The following CNTN4 variants were observed in gnomAD, a reference collection of about 807,000 sequenced individuals.
CNTN4 encodes contactin-4.
In CNTN4, 77 loss-of-function variants were observed where a neutral mutation model predicts 122.5. The observed-to-expected ratio is 0.63, with a 90% CI of 0.52 to 0.76. CNTN4 has a LOEUF of 0.76. Among genes scored for constraint, CNTN4 ranks in the 30% least tolerant of loss-of-function variants. CNTN4 has a pLI of 0.00. For synonymous variants in CNTN4, 512 were observed against 447.0 expected, an observed-to-expected ratio of 1.15 and a Z score of -1.83; for missense variants, 1,256 against 1,259.1, an observed-to-expected ratio of 1.00 and a Z score of 0.04.
chr3:3,023,064 T>C (rs551316510), intron 14 of CNTN4, among the ~76,000 whole-genome samples: 86 of 152,300 alleles, frequency 5.6e-4, no homozygotes, highest in African/African-American at 2.0e-3. Flanking sequence ...CAGGAAGCCA[T>C]CTGTTTGTTT....
At chr3:2,266,612 G>C (rs1167243009) in intron 2 of CNTN4, among the ~76,000 whole-genome samples, 1 of 152,028 alleles carries the variant, frequency 6.6e-6, no homozygotes, top group South Asian at 2.1e-4. Context: ...GGAGCCTTAA[G>C]GGACTAGGAT....
At chr3:2,329,792 ATAAGCAT>A (rs925397298) in intron 2 of CNTN4, among the ~76,000 whole-genome samples, 96 of 152,224 alleles carry the variant, frequency 6.3e-4, no homozygotes, top group African/African-American at 2.3e-3. Context: ...AAAGCACTTA[ATAAGCAT>A]TAATTTATGT....
chr3:2,237,389 C>G (rs185569911), intron 2 of CNTN4, among the ~76,000 whole-genome samples: 3 of 152,154 alleles, frequency 2.0e-5, no homozygotes, highest in African/African-American at 4.8e-5. Context: ...GCAGTAGGAT[C>G]GCTTGAGGCC....
chr3:2,463,754 G>A (rs1399534921), intron 3 of CNTN4, among the ~76,000 whole-genome samples: 6 of 148,210 alleles, frequency 4.0e-5, no homozygotes, highest in South Asian at 2.1e-4. Context: ...GCAAAACTCC[G>A]TCTCAAAAAA....
chr3:2,693,900 T>A (rs1293287499), intron 4 of CNTN4, among the ~76,000 whole-genome samples: 1 of 152,102 alleles, frequency 6.6e-6, no homozygotes, highest in Non-Finnish European at 1.5e-5. Flanking sequence ...GAAGGACACT[T>A]CTCAAACCTT....
At chr3:2,718,238 T>A (rs34168150) in intron 4 of CNTN4, among the ~76,000 whole-genome samples, 25,489 of 149,374 alleles carry the variant, frequency 0.17, 2,219 homozygotes, top group African/African-American at 0.2. Flanking sequence ...ATTTTCTTGG[T>A]TTTTTTTTTA....
chr3:2,104,834 G>A (rs149700052), intron 2 of CNTN4, among the ~76,000 whole-genome samples: 1 of 152,278 alleles, frequency 6.6e-6, no homozygotes, highest in East Asian at 1.9e-4. Flanking sequence ...TAATTCTCTA[G>A]GTATGGGGAA....
chr3:2,853,608 T>G (rs2093583083), intron 7 of CNTN4, among the ~76,000 whole-genome samples: 1 of 152,140 alleles, frequency 6.6e-6, no homozygotes, highest in Admixed American at 6.5e-5. Flanking sequence ...TAGATTTTCT[T>G]GAGGAATTCA....
At chr3:2,273,322 C>T (rs918852609) in intron 2 of CNTN4, among the ~76,000 whole-genome samples, 1 of 152,162 alleles carries the variant, frequency 6.6e-6, no homozygotes, top group Non-Finnish European at 1.5e-5. Flanking sequence ...GGATTCCCTT[C>T]AGTCCTATTC....
intron 10 of CNTN4, among the ~76,000 whole-genome samples, chr3:2,893,386 G>C (rs990720802): frequency 4.6e-5 from 7 of 152,180 alleles, no homozygotes; most frequent in Admixed American, 4.6e-4. Context: ...TTAAAGGACA[G>C]AGTAACCAAA....
intron 13 of CNTN4, among the ~76,000 whole-genome samples, chr3:2,944,832 G>A (rs1396219316): frequency 1.3e-5 from 2 of 152,206 alleles, no homozygotes; most frequent in South Asian, 2.1e-4. Flanking sequence ...CACCTGCAGG[G>A]AAGTGAGAAA....
intron 2 of CNTN4, among the ~76,000 whole-genome samples, chr3:2,103,524 A>C (rs971793497): frequency 6.6e-6 from 1 of 152,114 alleles, no homozygotes; most frequent in East Asian, 1.9e-4. Flanking sequence ...TTGCGCTACC[A>C]CTTTCATGCT....
At chr3:2,429,403 G>A (rs773693382) in intron 3 of CNTN4, among the ~76,000 whole-genome samples, 12 of 152,316 alleles carry the variant, frequency 7.9e-5, no homozygotes, top group Admixed American at 3.3e-4. Flanking sequence ...AGCAAATACT[G>A]CAGAACAGCA....
intron 2 of CNTN4, among the ~76,000 whole-genome samples, chr3:2,237,339 G>A (rs984843945): frequency 1.3e-5 from 2 of 152,084 alleles, no homozygotes; most frequent in Non-Finnish European, 2.9e-5. Context: ...GCTGGGTGTG[G>A]TTACTCCTGT....
At chr3:2,269,467 G>A (rs907348840) in intron 2 of CNTN4, among the ~76,000 whole-genome samples, 3 of 152,100 alleles carry the variant, frequency 2.0e-5, no homozygotes, top group Non-Finnish European at 2.9e-5. Context: ...TAGTTTACCA[G>A]ACTAAGAATG....
intron 6 of CNTN4, among the ~76,000 whole-genome samples, chr3:2,773,417 C>T (rs1278337362): frequency 6.6e-6 from 1 of 152,104 alleles, no homozygotes; most frequent in Non-Finnish European, 1.5e-5. Flanking sequence ...TTTTGTTTTA[C>T]ATTTTGCTCT....
At chr3:2,406,922 GCA>G (rs1415682508) in intron 3 of CNTN4, among the ~76,000 whole-genome samples, 1 of 152,146 alleles carries the variant, frequency 6.6e-6, no homozygotes, top group Non-Finnish European at 1.5e-5. Flanking sequence ...ATATGATATA[GCA>G]GGTAAACATT....
At chr3:2,503,869 C>T (rs2076663336) in intron 3 of CNTN4, among the ~76,000 whole-genome samples, 1 of 152,026 alleles carries the variant, frequency 6.6e-6, no homozygotes, top group Non-Finnish European at 1.5e-5. Context: ...TGGGAGGACT[C>T]TGTAAGAACT....
chr3:2,142,922 A>T (rs565276986), intron 2 of CNTN4, among the ~76,000 whole-genome samples: 3 of 152,246 alleles, frequency 2.0e-5, no homozygotes, highest in African/African-American at 7.2e-5. Context: ...TTGCCAGGCA[A>T]TGACAGTGTA....
Sources: gnomAD v4.1 joint callset for allele counts (sites outside exome capture counted in the v4.1 genomes callset) on GRCh38, gnomAD v4.1.1 for gene constraint, MANE v1.5 for transcripts, NCBI Gene and HGNC (gene_info 2026-07-23, HGNC 2026-07-21) for gene names.